NXPH2: variants seen among roughly 807,000 people sequenced by gnomAD.
NXPH2 encodes neurexophilin 2.
A neutral mutation model predicts 19.8 loss-of-function variants in NXPH2; 5 were observed. The ratio of observed to expected loss-of-function variants is 0.25; its 90% CI spans 0.13 to 0.53. The LOEUF (loss-of-function observed/expected upper bound fraction) is 0.53. Ranked by LOEUF, NXPH2 falls within the 20% of genes least tolerant of loss-of-function variation. The pLI, the probability that NXPH2 is intolerant of heterozygous loss-of-function variation, is 0.96. For synonymous variants in NXPH2, 154 were observed against 127.4 expected (o/e 1.21, Z -1.41); for missense variants, 289 against 322.8 (o/e 0.90, Z 0.80).
chr2:138,696,198 T>C (rs1409482936), intron 1 of NXPH2, among the ~76,000 whole-genome samples: 1 of 152,168 alleles, frequency 6.6e-6, no homozygotes, highest in Non-Finnish European at 1.5e-5. Context: ...TTAAAAAGTA[T>C]GATACCCTTG....
At chr2:138,734,072 C>T (rs1681496799) in intron 1 of NXPH2, among the ~76,000 whole-genome samples, 1 of 152,046 alleles carries the variant, frequency 6.6e-6, no homozygotes, top group Admixed American at 6.5e-5. Context: ...TGGTGAAAGC[C>T]CATCTCTACT....
At chr2:138,690,074 G>T (rs878952126) in intron 1 of NXPH2, among the ~76,000 whole-genome samples, 1 of 152,142 alleles carries the variant, frequency 6.6e-6, no homozygotes, top group Admixed American at 6.6e-5. Context: ...GGTCATTTGT[G>T]CTGATTTCCT....
At chr2:138,746,684 T>C (rs1681741067) in intron 1 of NXPH2, among the ~76,000 whole-genome samples, 1 of 152,182 alleles carries the variant, frequency 6.6e-6, no homozygotes, top group Non-Finnish European at 1.5e-5. Context: ...TCTCTCTTGC[T>C]CATAACCTAC....
chr2:138,742,466 T>C (rs946534513), intron 1 of NXPH2, among the ~76,000 whole-genome samples: 2 of 152,218 alleles, frequency 1.3e-5, no homozygotes, highest in Non-Finnish European at 2.9e-5. Flanking sequence ...TATGGGAACG[T>C]ATCAGAATGT....
intron 1 of NXPH2, among the ~76,000 whole-genome samples, chr2:138,681,602 A>T (rs1680580928): frequency 6.6e-6 from 1 of 152,220 alleles, no homozygotes; most frequent in Admixed American, 6.5e-5. Context: ...ACTTTCCAGG[A>T]CTAAGCTGAA....
chr2:138,669,573 T>C lies in NXPH2; in HGVS notation c.*1349A>G, dbSNP rs1680384383. Among the ~76,000 whole-genome samples the C allele has an allele frequency of 6.6e-6, 1 of 152,164 alleles. No homozygotes were observed. Among genetic ancestry groups the C allele is most frequent in the South Asian group, 2.1e-4 (1 of 4,822 alleles). ...TCTTCCTTTAGTCCTCAATTTAATG[T>C]TTTACTTTAATTAATATTTTACAGA... is the stretch of plus-strand genomic sequence containing the variant. On this transcript the variant is annotated 3_prime_UTR_variant, in exon 2 of 2. Transcript: ENST00000272641.
At chr2:138,722,009 G>A (rs935935292) in intron 1 of NXPH2, among the ~76,000 whole-genome samples, 1 of 152,236 alleles carries the variant, frequency 6.6e-6, no homozygotes. Flanking sequence ...CAGACAGTCA[G>A]ACTGGGAGTT....
intron 1 of NXPH2, among the ~76,000 whole-genome samples, chr2:138,765,177 T>C (rs1682072269): frequency 6.6e-6 from 1 of 152,126 alleles, no homozygotes; most frequent in Non-Finnish European, 1.5e-5. Flanking sequence ...TGTTTATGTA[T>C]AAAGACAGGC....
intron 1 of NXPH2, among the ~76,000 whole-genome samples, chr2:138,701,668 C>CT (rs1480367883): frequency 6.6e-6 from 1 of 152,190 alleles, no homozygotes; most frequent in Non-Finnish European, 1.5e-5. Context: ...ATTACTTACT[C>CT]TGTGTCTTTT....
At chr2:138,753,443 C>T (rs1307665024) in intron 1 of NXPH2, among the ~76,000 whole-genome samples, 2 of 152,146 alleles carry the variant, frequency 1.3e-5, no homozygotes, top group Admixed American at 6.6e-5. Flanking sequence ...GTCATTTCTC[C>T]AAGAAGCCTT....
intron 1 of NXPH2, 150 bp downstream of exon 1, chr2:138,780,041 C>T (rs1389748627): frequency 2.8e-6 from 2 of 707,424 alleles, no homozygotes; most frequent in Non-Finnish European, 2.1e-6. Flanking sequence ...CTTTCGACCT[C>T]TAAGGCAACC....
chr2:138,769,844 T>C (rs1466053438), intron 1 of NXPH2, among the ~76,000 whole-genome samples: 1 of 152,034 alleles, frequency 6.6e-6, no homozygotes, highest in Non-Finnish European at 1.5e-5. Context: ...CTGTTAAACA[T>C]AGAAAGAAAA....
At chr2:138,755,365 G>C (rs1349974353) in intron 1 of NXPH2, among the ~76,000 whole-genome samples, 2 of 151,952 alleles carry the variant, frequency 1.3e-5, no homozygotes, top group East Asian at 3.9e-4. Context: ...TAAGTTTTAT[G>C]TCTACATACA....
intron 1 of NXPH2, among the ~76,000 whole-genome samples, chr2:138,691,586 G>C (rs1216150137): frequency 2.0e-5 from 3 of 152,104 alleles, no homozygotes; most frequent in Non-Finnish European, 4.4e-5. Context: ...TTCTGCATCA[G>C]GGAATTTATT....
intron 1 of NXPH2, among the ~76,000 whole-genome samples, chr2:138,699,690 G>A (rs1213240327): frequency 6.6e-6 from 1 of 152,152 alleles, no homozygotes; most frequent in African/African-American, 2.4e-5. Flanking sequence ...GCTAGCACAA[G>A]GGACACATTT....
At chr2:138,743,295 G>A (rs915374375) in intron 1 of NXPH2, among the ~76,000 whole-genome samples, 1 of 152,134 alleles carries the variant, frequency 6.6e-6, no homozygotes, top group Admixed American at 6.5e-5. Context: ...ATTAACTGGC[G>A]AATGGATAAA....
At chr2:138,776,713 G>A (rs1182101986) in intron 1 of NXPH2, among the ~76,000 whole-genome samples, 1 of 151,180 alleles carries the variant, frequency 6.6e-6, no homozygotes, top group African/African-American at 2.4e-5. Context: ...GATCAAGGCT[G>A]TATGAGGAAA....
chr2:138,757,693 A>G (rs1681933967), intron 1 of NXPH2, among the ~76,000 whole-genome samples: 3 of 151,762 alleles, frequency 2.0e-5, no homozygotes, highest in African/African-American at 7.3e-5. Flanking sequence ...AAGGCCAACC[A>G]TCCCCATAAT....
chr2:138,684,095 G>A (rs181465121), intron 1 of NXPH2, among the ~76,000 whole-genome samples: 58 of 152,248 alleles, frequency 3.8e-4, no homozygotes, highest in Non-Finnish European at 6.0e-4. Flanking sequence ...TTTCTAATGA[G>A]AATTACAGAG....
Sources: gnomAD v4.1 joint callset for allele counts (sites outside exome capture counted in the v4.1 genomes callset) on GRCh38, gnomAD v4.1.1 for gene constraint, MANE v1.5 for transcripts, NCBI Gene and HGNC (gene_info 2026-07-23, HGNC 2026-07-21) for gene names.